The following ABCE1 variants were observed in gnomAD, a reference collection of about 807,000 sequenced individuals.
ABCE1 encodes ATP binding cassette subfamily E member 1, also known as ATP-binding cassette sub-family E member 1.
Under a neutral mutation model 83.4 loss-of-function variants are expected in ABCE1, and 22 were observed. The observed-to-expected ratio is 0.26, with a 90% CI of 0.19 to 0.38. The LOEUF is 0.38. Among genes scored for constraint, ABCE1 ranks in the 10% least tolerant of loss-of-function variants. The pLI, the probability that ABCE1 is intolerant of heterozygous loss-of-function variation, is 1.00. For synonymous variants in ABCE1, 204 were observed against 233.7 expected, an observed-to-expected ratio of 0.87 and a Z score of 1.16; for missense variants, 330 against 721.9, an observed-to-expected ratio of 0.46 and a Z score of 6.22.
chr4:145,098,973 A>C (rs1045765084), intron 1 of ABCE1, among the ~76,000 whole-genome samples: 4 of 152,234 alleles, frequency 2.6e-5, no homozygotes, highest in African/African-American at 9.6e-5. Flanking sequence ...TGCTTTTCTC[A>C]GAACAGCGTG....
intron 1 of ABCE1, among the ~76,000 whole-genome samples, chr4:145,099,590 A>G (rs1749060804): frequency 1.3e-5 from 2 of 152,162 alleles, no homozygotes; most frequent in South Asian, 2.1e-4. Context: ...ATTGGGAGAG[A>G]GGGGGAGAAA....
chr4:145,099,241 C>T (rs1420500780), intron 1 of ABCE1, among the ~76,000 whole-genome samples: 39 of 152,176 alleles, frequency 2.6e-4, no homozygotes, highest in Admixed American at 2.4e-3. Context: ...CTCCCATTAA[C>T]TACATAAGCT....
chr4:145,110,318 T>G, intron 6 of ABCE1, 57 bp from the exon 7 acceptor site: 2 of 1,601,304 alleles, frequency 1.2e-6, no homozygotes, highest in Non-Finnish European at 1.7e-6. Flanking sequence ...TGTTTTACTT[T>G]GTGATTCTTT....
At position 145,109,202 on chromosome 4, in the gene ABCE1, T is replaced by G. The variant is rs1366543600; in HGVS notation, c.358T>G (p.Leu120Val). 6.2e-7 allele frequency: 1 copy of G among 1,612,908 alleles called. No individual in the cohort carries two copies. The highest frequency in any genetic ancestry group is 8.5e-7 in the Non-Finnish European group (1 of 1,179,538). ...GTNGIGKSTA[L>V]KILAGKQKPN... is the part of the protein sequence containing the mutation. ...TAATGGTATTGGAAAGTCAACTGCT[T>G]TAAAAATTTTAGCAGGAAAACAAAA... The change falls in exon 5 of 18, where the codon TTA (leucine) becomes GTA (valine). Residue 120 changes from leucine (L) to valine (V), a missense_variant. Physicochemically the swap from Leu to Val is conservative, Grantham distance 32. Coordinates refer to ENST00000296577, the MANE Select transcript of ABCE1 (RefSeq NM_002940.3).
At chr4:145,116,370 A>G (rs1450024075) in intron 9 of ABCE1, among the ~76,000 whole-genome samples, 1 of 151,950 alleles carries the variant, frequency 6.6e-6, no homozygotes, top group Non-Finnish European at 1.5e-5. Flanking sequence ...GGCAAAGAAG[A>G]AAAAGGGTGA....
intron 3 of ABCE1, 116 bp from the exon 4 acceptor site, chr4:145,107,899 C>A: frequency 1.3e-6 from 1 of 773,314 alleles, no homozygotes; most frequent in Non-Finnish European, 2.0e-6. Flanking sequence ...CAACATTTCA[C>A]ATCTTTATGA....
rs951687436 is a variant in ABCE1, at chr4:145,127,130, T to C, written c.1753-396T>C. Among the ~76,000 whole-genome samples, 8 of 151,866 alleles carry C rather than the reference T, an allele frequency of 5.3e-5. No individual in the cohort carries two copies. The East Asian group carries it at 1.4e-3, about 26-fold the overall frequency. On this transcript the variant is annotated intron_variant, in intron 17 of 17. Coordinates refer to ENST00000296577, the MANE Select transcript of ABCE1 (RefSeq NM_002940.3). The stretch of plus-strand genomic sequence containing the variant: ...TACTGGCCAGTATTGGAAAAAACTT[T>C]ATATATATATATTTTGTGTAGTAGG...
chr4:145,106,523 A>C (rs1484323299), intron 3 of ABCE1, among the ~76,000 whole-genome samples: 1 of 152,022 alleles, frequency 6.6e-6, no homozygotes, highest in Non-Finnish European at 1.5e-5. Flanking sequence ...TATAGTATCT[A>C]TTCTGTTTTC....
chr4:145,114,790 A>G (rs77721835), intron 9 of ABCE1, among the ~76,000 whole-genome samples: 148 of 152,152 alleles, frequency 9.7e-4, no homozygotes, highest in African/African-American at 3.4e-3. Flanking sequence ...CAACGTAGAG[A>G]AAATTTTTAA....
intron 1 of ABCE1, chr4:145,098,629 A>T (rs1440777461): frequency 1.3e-5 from 2 of 151,658 alleles, no homozygotes; most frequent in Admixed American, 6.6e-5. Context: ...CCTCCAGCCG[A>T]CCCGGCTGTC....
rs767778927 is a variant in ABCE1, at chr4:145,112,261, A to G, written c.733A>G (p.Ser245Gly). ...ADIFMFDEPS[S>G]YLDVKQRLKA... ...TAGTTTCATGTTTGATGAGCCTTCT[A>G]GTTACCTAGATGTCAAGCAGCGTTT... is the stretch of plus-strand genomic sequence containing the variant. The change falls in exon 9 of 18, where the codon AGT becomes GGT. Residue 245 changes from serine to glycine, a missense_variant. By Grantham distance (56) the Ser-to-Gly change is moderately conservative (BLOSUM62 0). Coordinates refer to ENST00000296577, the MANE Select transcript of ABCE1 (RefSeq NM_002940.3). 1 of 1,525,808 alleles carries G rather than the reference A, an allele frequency of 6.6e-7. No individual in the cohort carries two copies. Among genetic ancestry groups the G allele is most frequent in the South Asian group, 1.3e-5 (1 of 79,792 alleles). The allele number at this position is 1,525,808 out of a possible 1,614,324, so 94.5% of individuals were successfully genotyped here.
rs1749985532 is a variant in ABCE1 at position 145,129,521 on chromosome 4, CAG to C, written c.*1950_*1951del. ...TTGAAATAAAGGAATACTCAAGAAACAGATTGCTTTTGACAAGGACAATTTGA... is the reference window on the plus strand; with the variant it reads ...TTGAAATAAAGGAATACTCAAGAAACATTGCTTTTGACAAGGACAATTTGA... On this transcript the variant is annotated 3_prime_UTR_variant, in exon 18 of 18. Transcript: ENST00000296577. 6.6e-6 allele frequency among the ~76,000 whole-genome samples: 1 copy of C among 152,016 alleles called. No individual in the cohort carries two copies. Among genetic ancestry groups the C allele is most frequent in the East Asian group, 1.9e-4 (1 of 5,196 alleles).
intron 13 of ABCE1, chr4:145,122,806 CAAAAG>C: frequency 4.7e-6 from 2 of 426,580 alleles, no homozygotes; most frequent in Middle Eastern, 6.4e-4. Context: ...GACCCTGTCT[CAAAAG>C]AAAAAAAAAA....
chr4:145,103,766 G>GT (rs4148236), intron 1 of ABCE1, among the ~76,000 whole-genome samples: 33,532 of 138,342 alleles, frequency 0.24, 5,067 homozygotes, highest in East Asian at 0.46. Context: ...GTTGGTTGGG[G>GT]TTTTTTTTTT....
Position 145,120,169 on chromosome 4 carries a change from T to C in ABCE1, c.1144+16T>C. ...GGGGAAAATGGTAAGTTTTCTGTTT[T>C]GTGATAAGTAAAAATCTTCCTGTTT... is the stretch of plus-strand genomic sequence containing the variant. On this transcript the variant is annotated intron_variant, in intron 11 of 17. Coordinates refer to ENST00000296577, the MANE Select transcript of ABCE1 (RefSeq NM_002940.3). 6.3e-7 allele frequency: 1 copy of C among 1,582,586 alleles called. No homozygotes were observed.
intron 9 of ABCE1, 124 bp downstream of exon 9, chr4:145,112,452 C>T (rs1749506751): frequency 1.4e-6 from 1 of 713,068 alleles, no homozygotes; most frequent in Non-Finnish European, 2.3e-6. Context: ...TTTATAGCTG[C>T]CACCTAAATT....
chr4:145,099,841 C>T (rs1400433207), intron 1 of ABCE1, among the ~76,000 whole-genome samples: 1 of 152,170 alleles, frequency 6.6e-6, no homozygotes, highest in Non-Finnish European at 1.5e-5. Context: ...TCCTCACTTC[C>T]TTTTTTCCTC....
intron 5 of ABCE1, 127 bp downstream of exon 5, chr4:145,109,376 T>C: frequency 1.9e-6 from 1 of 540,152 alleles, no homozygotes; most frequent in Non-Finnish European, 3.1e-6. Flanking sequence ...GCTGAGAAAT[T>C]TATAAACAAA....
intron 9 of ABCE1, among the ~76,000 whole-genome samples, chr4:145,112,681 A>G (rs182075643): frequency 6.6e-6 from 1 of 152,318 alleles, no homozygotes; most frequent in Admixed American, 6.5e-5. Context: ...TGTAAGAATC[A>G]CTAGAGTAAT....
Sources: gnomAD v4.1 joint callset for allele counts (sites outside exome capture counted in the v4.1 genomes callset) on GRCh38, gnomAD v4.1.1 for gene constraint, MANE v1.5 for transcripts, NCBI Gene and HGNC (gene_info 2026-07-23, HGNC 2026-07-21) for gene names.